The following NIPSNAP2 variants were observed in gnomAD, a reference collection of about 807,000 sequenced individuals.
NIPSNAP2 encodes the protein nipsnap homolog 2, also known as protein NipSnap homolog 2.
In NIPSNAP2, 42 loss-of-function variants were observed where a neutral mutation model predicts 48.4. The observed-to-expected ratio is 0.87, with a 90% CI of 0.68 to 1.12. The LOEUF is 1.12. Ranked by LOEUF, NIPSNAP2 falls within the 50% of genes most tolerant of loss-of-function variation. NIPSNAP2 has a pLI of 0.00. For missense variants in NIPSNAP2, 314 were observed against 347.3 expected, an observed-to-expected ratio of 0.90 and a Z score of 0.76; for synonymous variants, 158 against 126.6, an observed-to-expected ratio of 1.25 and a Z score of -1.67.
chr7:55,993,408 T>C (rs564870085), intron 7 of NIPSNAP2, among the ~76,000 whole-genome samples: 1 of 151,260 alleles, frequency 6.6e-6, no homozygotes, highest in East Asian at 2.0e-4. Flanking sequence ...CGAAACCTCA[T>C]GCCTACCAAA....
chr7:55,983,905 CTG>C (rs886114352), intron 6 of NIPSNAP2, 37 bp downstream of exon 6: 4 of 1,593,186 alleles, frequency 2.5e-6, no homozygotes, highest in Non-Finnish European at 8.6e-7. Context: ...TTTTACTCCT[CTG>C]TGAAAAAGCA....
chr7:55,977,459 C>A (rs1216795196), intron 1 of NIPSNAP2, among the ~76,000 whole-genome samples: 1 of 152,030 alleles, frequency 6.6e-6, no homozygotes, highest in Non-Finnish European at 1.5e-5. Flanking sequence ...GAATGTATTT[C>A]ATTTTCCTTG....
At chr7:55,984,930 T>G (rs774733581) in intron 7 of NIPSNAP2, 52 bp downstream of exon 7, 8 of 1,424,350 alleles carry the variant, frequency 5.6e-6, no homozygotes, top group South Asian at 1.2e-5. Context: ...TAGATTAGTT[T>G]AGGCCATAGT....
chr7:55,966,530 C>G (rs1261907082), intron 1 of NIPSNAP2, among the ~76,000 whole-genome samples: 1 of 152,116 alleles, frequency 6.6e-6, no homozygotes, highest in Non-Finnish European at 1.5e-5. Flanking sequence ...AGGCTGTAAT[C>G]CCAGCACTTT....
rs143585629 is a variant in NIPSNAP2, at chr7:55,979,818, A to G, written c.278+1423A>G. Reference sequence around the variant, plus strand: ...TCCTGCCTGGTTTTTAGGGGTCCCAATAATGGGATTCTGCCCAACCCATCC... The same window carrying G: ...TCCTGCCTGGTTTTTAGGGGTCCCAGTAATGGGATTCTGCCCAACCCATCC... On this transcript the variant is annotated intron_variant, in intron 3 of 9. Transcript: ENST00000322090. 3.9e-3 allele frequency: 1,765 copies of G among 456,676 alleles called. 7 individuals carry two copies. Among genetic ancestry groups the G allele is most frequent in the Middle Eastern group, 0.011 (34 of 3,076 alleles). 28.3% of individuals were successfully genotyped at this position (456,676 alleles called of 1,614,324 possible).
rs1338160938 is a variant in NIPSNAP2, at chr7:55,964,617, C to T, written c.8C>T (p.Ala3Val). The change falls in exon 1 of 10, where the codon GCG becomes GTG. Residue 3 changes from alanine (A) to valine (V), a missense_variant. By Grantham distance (64) the Ala-to-Val change is moderately conservative. Coordinates refer to ENST00000322090, the MANE Select transcript of NIPSNAP2 (RefSeq NM_001483.3). ...GCCGAGGCGCCGAGCAAGATGGCGG[C>T]GCGAGTGCTGCGCGCCCGCGGAGCG... is the stretch of plus-strand genomic sequence containing the variant. MAARVLRARGAAW... is the reference protein window; with the variant it reads MAVRVLRARGAAW... 3.8e-6 allele frequency: 4 copies of T among 1,042,124 alleles called. No individual in the cohort carries two copies. Among genetic ancestry groups the T allele is most frequent in the African/African-American group, 1.7e-5 (1 of 58,224 alleles). 64.6% of individuals were successfully genotyped at this position (1,042,124 alleles called of 1,614,324 possible).
At position 55,987,142 on chromosome 7, in the gene NIPSNAP2, C is replaced by T. The variant is rs941601138; in HGVS notation, c.617+2264C>T. Among the ~76,000 whole-genome samples the T allele has an allele frequency of 7.9e-5, 12 of 151,648 alleles. No individual in the cohort carries two copies. The South Asian group carries it at 1.5e-3, about 18-fold the overall frequency. On this transcript the variant is annotated intron_variant, in intron 7 of 9. Transcript: ENST00000322090. ...TCATGCCACTGCACTCCCAGTGAGA[C>T]CCTGTCTCACAAAAATAAAAAATAA...
chr7:55,986,681 C>T (rs1289109571), intron 7 of NIPSNAP2, among the ~76,000 whole-genome samples: 2 of 150,764 alleles, frequency 1.3e-5, no homozygotes, highest in African/African-American at 4.9e-5. Context: ...AATTGCCTTA[C>T]TTTCAGTGAT....
intron 1 of NIPSNAP2, among the ~76,000 whole-genome samples, chr7:55,965,915 A>AG (rs915259735): frequency 6.6e-6 from 1 of 152,094 alleles, no homozygotes; most frequent in African/African-American, 2.4e-5. Flanking sequence ...GACTTGGGAG[A>AG]GGGGGCAGAA....
At chr7:55,981,124 C>G (rs1475087200) in intron 3 of NIPSNAP2, 2 of 156,782 alleles carry the variant, frequency 1.3e-5, no homozygotes, top group Non-Finnish European at 2.8e-5. Flanking sequence ...TTGGAACCAA[C>G]AGAATGTTTT....
chr7:55,982,903 A>G (rs1038991065), intron 5 of NIPSNAP2, among the ~76,000 whole-genome samples: 1 of 152,178 alleles, frequency 6.6e-6, no homozygotes. Context: ...CAGGCATATC[A>G]GTTGAGGCCA....
At chr7:55,976,990 T>C (rs888540636) in intron 1 of NIPSNAP2, among the ~76,000 whole-genome samples, 1 of 152,176 alleles carries the variant, frequency 6.6e-6, no homozygotes, top group Non-Finnish European at 1.5e-5. Flanking sequence ...AGAAATTTAA[T>C]TATGAGATGA....
At chr7:55,994,438 TGTG>T (rs1458985170) in intron 7 of NIPSNAP2, among the ~76,000 whole-genome samples, 1 of 152,088 alleles carries the variant, frequency 6.6e-6, no homozygotes, top group Non-Finnish European at 1.5e-5. Context: ...TTAGACCAGG[TGTG>T]GTGGCTCACG....
At chr7:55,989,513 C>T (rs577842121) in intron 7 of NIPSNAP2, among the ~76,000 whole-genome samples, 1 of 152,192 alleles carries the variant, frequency 6.6e-6, no homozygotes, top group South Asian at 2.1e-4. Context: ...GTAGTCCCAG[C>T]TACTCTGGAG....
chr7:55,994,806 G>A, intron 7 of NIPSNAP2, 88 bp from the exon 8 acceptor site: 2 of 1,060,806 alleles, frequency 1.9e-6, no homozygotes, highest in South Asian at 1.3e-5. Flanking sequence ...TAAACAGCCT[G>A]CCCTGAGTAT....
intron 1 of NIPSNAP2, among the ~76,000 whole-genome samples, chr7:55,965,938 G>T (rs1334131119): frequency 6.6e-6 from 1 of 152,170 alleles, no homozygotes; most frequent in Non-Finnish European, 1.5e-5. Context: ...AAGGGTAGTG[G>T]CCAGCTGAGT....
At chr7:55,982,814 A>G (rs1225974827) in intron 5 of NIPSNAP2, among the ~76,000 whole-genome samples, 2 of 150,486 alleles carry the variant, frequency 1.3e-5, no homozygotes, top group Non-Finnish European at 3.0e-5. Context: ...TGAAACTGAT[A>G]AGGTGGTACT....
intron 7 of NIPSNAP2, among the ~76,000 whole-genome samples, chr7:55,986,984 A>T (rs4269488): frequency 0.23 from 8,408 of 35,906 alleles, 739 homozygotes; most frequent in African/African-American, 0.32. Flanking sequence ...CTGTCTCTAT[A>T]AAAAAAAAAA....
At chr7:55,977,971 C>T (rs1488755424) in intron 1 of NIPSNAP2, among the ~76,000 whole-genome samples, 155 bp from the exon 2 acceptor site, 1 of 152,188 alleles carries the variant, frequency 6.6e-6, no homozygotes, top group Non-Finnish European at 1.5e-5. Context: ...GCTTCTGCTT[C>T]TTGGAGTGCA....
Sources: allele counts gnomAD v4.1 joint callset (sites outside exome capture counted in the v4.1 genomes callset), GRCh38; gene constraint gnomAD v4.1.1; transcripts MANE v1.5; gene names NCBI Gene and HGNC (gene_info 2026-07-23, HGNC 2026-07-21).